PRRC2A: variants seen among roughly 807,000 people sequenced by gnomAD.
PRRC2A encodes protein PRRC2A.
PRRC2A carries 59 observed loss-of-function variants against 224.6 expected under a neutral mutation model. That is an observed-to-expected ratio of 0.26 (90% confidence interval 0.21 to 0.33). The LOEUF is 0.33. PRRC2A is among the 10% of genes least tolerant of loss of function. The pLI, the probability that PRRC2A is intolerant of heterozygous loss-of-function variation, is 1.00. For missense variants in PRRC2A, 3,095 were observed against 2,880.7 expected, an observed-to-expected ratio of 1.07 and a Z score of -1.70; for synonymous variants, 1,194 against 1,109.5, an observed-to-expected ratio of 1.08 and a Z score of -1.51.
rs761173730 is a variant in PRRC2A at position 31,636,863 on chromosome 6, C to T, written c.6065C>T (p.Ala2022Val). The T allele has an allele frequency of 1.2e-5, 20 of 1,612,792 alleles. No individual in the cohort carries two copies. In the African/African-American group the frequency reaches 2.0e-4, roughly 16 times the overall value. ...VGPALQPPSL[A>V]VRPPPAPATR... The stretch of plus-strand genomic sequence containing the variant: ...CCTGCTCTGCAGCCCCCCAGCCTGG[C>T]TGTGCGGCCCCCACCTGCTCCTGCT... Residue 2022 changes from alanine (A) to valine (V), a missense_variant, in exon 28 of 31, where the codon GCT becomes GTT. Coordinates refer to ENST00000376033, the MANE Select transcript of PRRC2A (RefSeq NM_004638.4). This position sits in a 1 kb window ranked among gnomAD's most constrained non-coding sequence, Gnocchi z 4.3.
rs773249336 is a variant in PRRC2A, at chr6:31,629,126, G to T, written c.1766-18G>T. On this transcript the variant is annotated intron_variant, in intron 12 of 30. Transcript: ENST00000376033. ...TATTGTTGGACTAGATCACTCTGTTGTGTTTTTTCCGATGCAGTGGAACCA... is the reference window on the plus strand; with the variant it reads ...TATTGTTGGACTAGATCACTCTGTTTTGTTTTTTCCGATGCAGTGGAACCA... 5 of 1,613,520 alleles carry T rather than the reference G, an allele frequency of 3.1e-6. No individual in the cohort carries two copies. Among genetic ancestry groups the T allele is most frequent in the South Asian group, 1.1e-5 (1 of 91,072 alleles).
At position 31,631,034 on chromosome 6, in the gene PRRC2A, G is replaced by A; in HGVS notation, c.2466-105G>A. ...GATGCCATCTCTGCCAAAACAAACA[G>A]AAAAATAGTAAAAGAGAGTCTGCAT... On this transcript the variant is annotated intron_variant, in intron 15 of 30. Coordinates refer to ENST00000376033, the MANE Select transcript of PRRC2A (RefSeq NM_004638.4). This position sits in a 1 kb window ranked among gnomAD's most constrained non-coding sequence, Gnocchi z 4.5. 7.6e-7 allele frequency: 1 copy of A among 1,322,668 alleles called. No homozygotes were observed. Among genetic ancestry groups the A allele is most frequent in the Non-Finnish European group, 1.0e-6 (1 of 968,274 alleles). 81.9% of individuals were successfully genotyped at this position (1,322,668 alleles called of 1,614,324 possible). A position where few individuals can be genotyped will look rare whatever the true frequency, so the allele number is the denominator to read the frequency against.
rs2736159 is a variant in PRRC2A at position 31,631,208 on chromosome 6, A to G, written c.2535A>G (p.Gly845=). 1 of 1,600,704 alleles carries G rather than the reference A, an allele frequency of 6.2e-7. No individual in the cohort carries two copies. Among genetic ancestry groups the G allele is most frequent in the Non-Finnish European group, 8.5e-7 (1 of 1,174,348 alleles). Residue 845 remains glycine (G), a synonymous_variant, in exon 16 of 31, where the codon GGA becomes GGG. Coordinates refer to ENST00000376033, the MANE Select transcript of PRRC2A (RefSeq NM_004638.4). The surrounding 1 kb of genome is among the most constrained non-coding windows in gnomAD (Gnocchi z 4.5). ...GTTATCCAGGCTTTCCTGAGAATGGAGCCCCTGGGCCCCCAATCTCTCGCT... is the reference window on the plus strand; with the variant it reads ...GTTATCCAGGCTTTCCTGAGAATGGGGCCCCTGGGCCCCCAATCTCTCGCT... ...LASYPGFPEN[G]APGPPISRFP... is the part of the protein sequence containing the mutation.
In PRRC2A at chr6:31,631,760, C is replaced by G. The variant is rs1486605246; in HGVS notation, c.3087C>G (p.Gly1029=). The change falls in exon 16 of 31, where the codon GGC becomes GGG. Residue 1029 remains glycine (G), a synonymous_variant. Coordinates refer to ENST00000376033, the MANE Select transcript of PRRC2A (RefSeq NM_004638.4). This position sits in a 1 kb window ranked among gnomAD's most constrained non-coding sequence, Gnocchi z 4.5. ...GPTSCRGRGR[G]EYFARGRGFR... is the part of the protein sequence containing the mutation. ...CCTCTTGCCGGGGTCGGGGCCGAGGCGAGTATTTTGCCAGAGGGAGGGGTT... is the reference window on the plus strand; with the variant it reads ...CCTCTTGCCGGGGTCGGGGCCGAGGGGAGTATTTTGCCAGAGGGAGGGGTT... The G allele has an allele frequency of 6.5e-7, 1 of 1,538,838 alleles. No homozygotes were observed. The highest frequency in any genetic ancestry group is 8.8e-7 in the Non-Finnish European group (1 of 1,141,354).
intron 14 of PRRC2A, among the ~76,000 whole-genome samples, chr6:31,630,054 C>T (rs1776368388): frequency 3.9e-5 from 6 of 152,172 alleles, no homozygotes; most frequent in East Asian, 1.9e-4. Flanking sequence ...TTGTGGCTCA[C>T]GCCTGTAATC....
Position 31,629,241 on chromosome 6 carries a change from T to G in PRRC2A, c.1863T>G (p.Asp621Glu). 1 of 1,613,920 alleles carries G rather than the reference T, an allele frequency of 6.2e-7. No homozygotes were observed. The highest frequency in any genetic ancestry group is 8.5e-7 in the Non-Finnish European group (1 of 1,179,900). The stretch of plus-strand genomic sequence containing the variant: ...TTCCAAAGGTGGAACCCAAGGGTGA[T>G]GGGATTGGTCCCACCCGCCAGCCCC... Reference protein sequence around the residue: ...PPVPKVEPKGDGIGPTRQPPS... With the variant: ...PPVPKVEPKGEGIGPTRQPPS... The change falls in exon 13 of 31, where the codon GAT becomes GAG. Residue 621 changes from aspartate to glutamate, a missense_variant. Physicochemically the swap from Asp to Glu is conservative, Grantham distance 45. Around this residue, in one of 8 missense-constraint regions of PRRC2A, gnomAD observed 2,001 missense variants for 1,764.9 expected, o/e 1.13. Coordinates refer to ENST00000376033, the MANE Select transcript of PRRC2A (RefSeq NM_004638.4).
rs922896047 is a variant in PRRC2A, at chr6:31,627,357, G to T, written c.1290+159G>T. Among the ~76,000 whole-genome samples, 1 of 152,192 alleles carries T rather than the reference G, an allele frequency of 6.6e-6. No individual in the cohort carries two copies. Among genetic ancestry groups the T allele is most frequent in the African/African-American group, 2.4e-5 (1 of 41,432 alleles). On this transcript the variant is annotated intron_variant, in intron 11 of 30. Transcript: ENST00000376033. This position sits in a 1 kb window ranked among gnomAD's most constrained non-coding sequence, Gnocchi z 5.6. Reference sequence around the variant, plus strand: ...TCCTGGGAAGCTTTTAAATATCTTTGGTAATAGGGGAGTCTGGGTAAGAAG... The same window carrying T: ...TCCTGGGAAGCTTTTAAATATCTTTTGTAATAGGGGAGTCTGGGTAAGAAG...
Position 31,624,243 on chromosome 6 carries a change from C to G in PRRC2A, c.291-18C>G, listed in dbSNP as rs1775634488. The G allele has an allele frequency of 6.2e-7, 1 of 1,609,946 alleles. No individual in the cohort carries two copies. The highest frequency in any genetic ancestry group is 8.5e-7 in the Non-Finnish European group (1 of 1,177,456). ...AGGCATCTCAGGTGTGAATAACCTT[C>G]CCATTCTGTCCCCTCAGTTCCGATG... is the stretch of plus-strand genomic sequence containing the variant. On this transcript the variant is annotated intron_variant, in intron 3 of 30. Transcript: ENST00000376033.
In PRRC2A at chr6:31,632,787, G is replaced by C; in HGVS notation, c.4114G>C (p.Asp1372His). The C allele has an allele frequency of 1.2e-6, 2 of 1,613,158 alleles. No individual in the cohort carries two copies. The highest frequency in any genetic ancestry group is 1.7e-6 in the Non-Finnish European group (2 of 1,180,030). The part of the protein sequence containing the change: ...VPGISAMSRG[D>H]LSQRAKDLSK... ...AGGTATTTCAGCCATGTCCCGCGGAGATCTGAGCCAGAGAGCCAAGGATTT... is the reference window on the plus strand; with the variant it reads ...AGGTATTTCAGCCATGTCCCGCGGACATCTGAGCCAGAGAGCCAAGGATTT... Residue 1372 changes from aspartate to histidine, a missense_variant, in exon 16 of 31, where the codon GAT becomes CAT. By Grantham distance (81) the Asp-to-His change is moderately conservative. This residue lies in a region of PRRC2A where 2,001 missense variants were observed against 1,764.9 expected (regional missense o/e 1.13). Transcript: ENST00000376033.
chr6:31,626,023 T>C lies in PRRC2A; in HGVS notation c.843T>C (p.Arg281=), dbSNP rs755722785. 1 of 1,611,912 alleles carries C rather than the reference T, an allele frequency of 6.2e-7. No individual in the cohort carries two copies. The highest frequency in any genetic ancestry group is 8.5e-7 in the Non-Finnish European group (1 of 1,179,624). ...YRYPTPDGPS[R]FPRVAGPRGS... ...TCATTTTCTTTTTTGTGTACAGCCG[T>C]TTTCCCCGTGTGGCGGGCCCCCGAG... Residue 281 remains arginine (R), a synonymous_variant, in exon 9 of 31, where the codon CGT becomes CGC. Coordinates refer to ENST00000376033, the MANE Select transcript of PRRC2A (RefSeq NM_004638.4).
At position 31,631,392 on chromosome 6, in the gene PRRC2A, G is replaced by A. The variant is rs150834465; in HGVS notation, c.2719G>A (p.Gly907Arg). The change falls in exon 16 of 31, where the codon GGG (glycine) becomes AGG (arginine). Residue 907 changes from glycine to arginine, a missense_variant. Physicochemically the swap from Gly to Arg is moderately radical, Grantham distance 125 (BLOSUM62 -2). This residue lies in a region of PRRC2A where 2,001 missense variants were observed against 1,764.9 expected (regional missense o/e 1.13). Coordinates refer to ENST00000376033, the MANE Select transcript of PRRC2A (RefSeq NM_004638.4). The surrounding 1 kb of genome is among the most constrained non-coding windows in gnomAD (Gnocchi z 4.5). Reference protein sequence around the residue: ...EAGRKPARGVGSGGQGPPPPR... With the variant: ...EAGRKPARGVRSGGQGPPPPR... ...AGGCCGAAAGCCTGCCCGCGGAGTCGGGAGTGGAGGCCAGGGCCCCCCACC... is the reference window on the plus strand; with the variant it reads ...AGGCCGAAAGCCTGCCCGCGGAGTCAGGAGTGGAGGCCAGGGCCCCCCACC... 72 of 1,606,974 alleles carry A rather than the reference G, an allele frequency of 4.5e-5. No homozygotes were observed. The African/African-American group carries it at 8.2e-4, about 18-fold the overall frequency.
At position 31,632,920 on chromosome 6, in the gene PRRC2A, G is replaced by T. The variant is rs1249834725; in HGVS notation, c.4247G>T (p.Gly1416Val). The change falls in exon 16 of 31, where the codon GGT becomes GTT. Residue 1416 changes from glycine (G) to valine (V), a missense_variant. By Grantham distance (109) the Gly-to-Val change is moderately radical (BLOSUM62 -3). Coordinates refer to ENST00000376033, the MANE Select transcript of PRRC2A (RefSeq NM_004638.4). ...AGTGGCAGCAGCAGTGGAGGAGGCG[G>T]TGGGGGTCCTGGAGGAAGGACCGGG... Reference protein sequence around the residue: ...GSSGSSSGGGGGGPGGRTGPG... With the variant: ...GSSGSSSGGGVGGPGGRTGPG... The T allele has an allele frequency of 1.2e-6, 2 of 1,612,560 alleles. No homozygotes were observed. The highest frequency in any genetic ancestry group is 2.2e-5 in the South Asian group (2 of 91,060).
At position 31,632,604 on chromosome 6, in the gene PRRC2A, A is replaced by G; in HGVS notation, c.3931A>G (p.Asn1311Asp). The G allele has an allele frequency of 6.2e-7, 1 of 1,613,048 alleles. No homozygotes were observed. Among genetic ancestry groups the G allele is most frequent in the Non-Finnish European group, 8.5e-7 (1 of 1,180,018 alleles). ...AGCTGCCAAGTCTCCTGATCTGTCA[A>G]ACCAGAACTCAGACCAAGCCAATGA... ...RAAAKSPDLSNQNSDQANEEW... is the reference protein window; with the variant it reads ...RAAAKSPDLSDQNSDQANEEW... The change falls in exon 16 of 31, where the codon AAC (asparagine) becomes GAC (aspartate). Residue 1311 changes from asparagine to aspartate, a missense_variant. Coordinates refer to ENST00000376033, the MANE Select transcript of PRRC2A (RefSeq NM_004638.4).
rs775922015 is a variant in PRRC2A at position 31,627,745 on chromosome 6, T to G, written c.1291-20T>G. 12 of 1,608,678 alleles carry G rather than the reference T, an allele frequency of 7.5e-6. No individual in the cohort carries two copies. Among genetic ancestry groups the G allele is most frequent in the Non-Finnish European group, 1.0e-5 (12 of 1,176,966 alleles). On this transcript the variant is annotated intron_variant, in intron 11 of 30. Transcript: ENST00000376033. This position sits in a 1 kb window ranked among gnomAD's most constrained non-coding sequence, Gnocchi z 5.6. ...TAGTAACTGATTCCCCTGGCCCTGC[T>G]GGGTCTTGCCAATTGACAGGATCGT...
intron 12 of PRRC2A, among the ~76,000 whole-genome samples, chr6:31,628,452 A>G (rs1442127386): frequency 1.3e-5 from 2 of 152,166 alleles, no homozygotes; most frequent in East Asian, 1.9e-4. Flanking sequence ...TTCTTGGCAG[A>G]GTACTGTAGC....
In PRRC2A at chr6:31,627,911, A is replaced by G; in HGVS notation, c.1437A>G (p.Gln479=). 6.2e-7 allele frequency: 1 copy of G among 1,613,054 alleles called. No individual in the cohort carries two copies. The highest frequency in any genetic ancestry group is 8.5e-7 in the Non-Finnish European group (1 of 1,180,038). The change falls in exon 12 of 31, where the codon CAA becomes CAG. Residue 479 remains glutamine (Q), a synonymous_variant. Coordinates refer to ENST00000376033, the MANE Select transcript of PRRC2A (RefSeq NM_004638.4). The surrounding 1 kb of genome is among the most constrained non-coding windows in gnomAD (Gnocchi z 5.6). ...RRREEEERRM[Q]EERRAACAEK... ...GAGAAGAAGAGGAGCGGCGCATGCA[A>G]GAAGAGCGCCGGGCAGCCTGTGCTG...
In PRRC2A at chr6:31,621,039, C is replaced by T. The variant is rs184849643; in HGVS notation, c.-101+181C>T. 2.3e-3 allele frequency among the ~76,000 whole-genome samples: 348 copies of T among 152,290 alleles called. 1 individual carries two copies. Among genetic ancestry groups the T allele is most frequent in the African/African-American group, 7.7e-3 (321 of 41,564 alleles). ...CCCTCCCCCTCCGGTACCTCTACTC[C>T]GGGACCCGCACCTCCGGCAGTTCAT... On this transcript the variant is annotated intron_variant, in intron 1 of 30. Coordinates refer to ENST00000376033, the MANE Select transcript of PRRC2A (RefSeq NM_004638.4).
chr6:31,630,543 G>A (rs1353702645), intron 14 of PRRC2A, 48 bp from the exon 15 acceptor site: 1 of 1,599,690 alleles, frequency 6.3e-7, no homozygotes, highest in South Asian at 1.1e-5. Context: ...GGGCTGGAGG[G>A]CTTGTGACAT....
intron 15 of PRRC2A, 33 bp downstream of exon 15, chr6:31,630,834 A>G: frequency 6.2e-7 from 1 of 1,607,806 alleles, no homozygotes; most frequent in Non-Finnish European, 8.5e-7. Context: ...GGGTGAGTTC[A>G]CAGTGAAAGG....
Sources: allele counts gnomAD v4.1 joint callset (sites outside exome capture counted in the v4.1 genomes callset), GRCh38; gene constraint gnomAD v4.1.1; regional missense constraint gnomAD v4.1.1; non-coding constraint Gnocchi (gnomAD v3.1); transcripts MANE v1.5; gene names NCBI Gene and HGNC (gene_info 2026-07-23, HGNC 2026-07-21).